Variants in MYRIP observed in about 807,000 individuals in gnomAD.
The protein encoded by MYRIP is myosin VIIA and Rab interacting protein.
In MYRIP, 49 loss-of-function variants were observed where a neutral mutation model predicts 98.0. The ratio of observed to expected loss-of-function variants is 0.50; its 90% CI spans 0.40 to 0.63. The LOEUF (loss-of-function observed/expected upper bound fraction) is 0.63, where lower values mean the gene tolerates loss of function less well. MYRIP is among the 30% of genes least tolerant of loss of function. The pLI is 0.00. For missense variants in MYRIP, 1,004 were observed against 1,058.2 expected (o/e 0.95, Z 0.71); for synonymous variants, 404 against 409.5 (o/e 0.99, Z 0.16).
chr3:40,160,966 C>T (rs918037468), intron 4 of MYRIP, among the ~76,000 whole-genome samples: 7 of 152,170 alleles, frequency 4.6e-5, no homozygotes, highest in Non-Finnish European at 8.8e-5. Context: ...CCGTCTTCTG[C>T]GTCGCTCACG....
At chr3:40,257,670 A>C (rs1953642646) in intron 16 of MYRIP, among the ~76,000 whole-genome samples, 2 of 152,328 alleles carry the variant, frequency 1.3e-5, no homozygotes, top group African/African-American at 2.4e-5. Context: ...AATCAGAAAG[A>C]ATAGACAAAA....
intron 2 of MYRIP, among the ~76,000 whole-genome samples, chr3:40,042,320 C>A (rs1411732970): frequency 6.8e-6 from 1 of 147,318 alleles, no homozygotes; most frequent in Non-Finnish European, 1.5e-5. Context: ...GAGAGCCAAC[C>A]TTCAACCCAC....
At chr3:39,934,029 A>G (rs892455494) in intron 2 of MYRIP, among the ~76,000 whole-genome samples, 1 of 152,082 alleles carries the variant, frequency 6.6e-6, no homozygotes, top group Non-Finnish European at 1.5e-5. Context: ...TGAATCAGAA[A>G]CTCTGGAGGT....
At chr3:40,161,704 T>C (rs912501714) in intron 4 of MYRIP, among the ~76,000 whole-genome samples, 4 of 152,306 alleles carry the variant, frequency 2.6e-5, no homozygotes, top group Admixed American at 2.6e-4. Context: ...CCTGCCATCC[T>C]CTTTCTCACC....
chr3:40,020,202 T>C (rs887191229), intron 2 of MYRIP, among the ~76,000 whole-genome samples: 1 of 152,178 alleles, frequency 6.6e-6, no homozygotes, highest in African/African-American at 2.4e-5. Flanking sequence ...TCAGGTGTGC[T>C]CAATGTTTAC....
chr3:40,134,081 C>T (rs1195456832), intron 3 of MYRIP, among the ~76,000 whole-genome samples: 3 of 152,160 alleles, frequency 2.0e-5, no homozygotes, highest in Non-Finnish European at 2.9e-5. Flanking sequence ...CGAAGCAGGG[C>T]GAGGCATTGC....
In MYRIP at chr3:40,223,347, G is replaced by A. The variant is rs561240817; in HGVS notation, c.1906-10512G>A. Among the ~76,000 whole-genome samples the A allele has an allele frequency of 1.3e-4, 20 of 152,254 alleles. No individual in the cohort carries two copies. The South Asian group carries it at 3.7e-3, about 28-fold the overall frequency. Reference sequence around the variant, plus strand: ...AAGATATTACTCATATTTTTTAAAGGTACAGTAATTAAATTTGTGAGCTAC... The same window carrying A: ...AAGATATTACTCATATTTTTTAAAGATACAGTAATTAAATTTGTGAGCTAC... On this transcript the variant is annotated intron_variant, in intron 11 of 16. Coordinates refer to ENST00000302541, the MANE Select transcript of MYRIP (RefSeq NM_015460.4).
At chr3:39,938,788 C>T (rs1944715681) in intron 2 of MYRIP, among the ~76,000 whole-genome samples, 2 of 152,106 alleles carry the variant, frequency 1.3e-5, no homozygotes, top group South Asian at 4.1e-4. Flanking sequence ...TATAGGCATG[C>T]ACCACCAAGC....
intron 2 of MYRIP, among the ~76,000 whole-genome samples, chr3:39,947,336 G>C (rs1483603683): frequency 6.6e-6 from 1 of 151,890 alleles, no homozygotes; most frequent in Non-Finnish European, 1.5e-5. Flanking sequence ...TAAAGAAAAA[G>C]AGTAGAATTA....
chr3:39,986,381 TTC>T (rs909137324), intron 2 of MYRIP, among the ~76,000 whole-genome samples: 16 of 146,490 alleles, frequency 1.1e-4, no homozygotes, highest in Admixed American at 8.0e-4. Flanking sequence ...TATCAAACAT[TTC>T]TCTCTGTCTC....
At chr3:39,998,096 T>G (rs1946415790) in intron 2 of MYRIP, among the ~76,000 whole-genome samples, 1 of 152,172 alleles carries the variant, frequency 6.6e-6, no homozygotes, top group South Asian at 2.1e-4. Flanking sequence ...GGGCAAAAAC[T>G]GGAAGCATTC....
At chr3:40,048,374 A>T (rs1022021379) in intron 3 of MYRIP, among the ~76,000 whole-genome samples, 13 of 152,190 alleles carry the variant, frequency 8.5e-5, no homozygotes, top group African/African-American at 2.4e-4. Flanking sequence ...TTTTTGAGAT[A>T]CTGTGGGCTA....
intron 3 of MYRIP, among the ~76,000 whole-genome samples, chr3:40,074,243 T>C (rs930158554): frequency 9.2e-5 from 14 of 151,910 alleles, no homozygotes; most frequent in Admixed American, 1.3e-4. Context: ...CCTGGCTAAT[T>C]TTTTGTGTTT....
intron 3 of MYRIP, among the ~76,000 whole-genome samples, chr3:40,084,136 CAAAAAAAAAAAAAA>C (rs753167019): frequency 5.4e-5 from 3 of 55,056 alleles, no homozygotes; most frequent in East Asian, 1.3e-3. Context: ...GACTCCATCT[CAAAAAAAAAAAAAA>C]AAAAAAAAAA....
At chr3:39,882,297 C>G (rs1250740292) in intron 1 of MYRIP, among the ~76,000 whole-genome samples, 6 of 152,010 alleles carry the variant, frequency 3.9e-5, no homozygotes, top group Non-Finnish European at 7.4e-5. Context: ...AGATTTGATC[C>G]TCTCCAAAAT....
At chr3:39,821,317 CCCCCGACCCCTGTACCACCCCG>C (rs910857261) in intron 1 of MYRIP, among the ~76,000 whole-genome samples, 1 of 147,138 alleles carries the variant, frequency 6.8e-6, no homozygotes, top group Non-Finnish European at 1.5e-5. Context: ...CCACTGCCCA[CCCCCGACCCCTGTACCACCCCG>C]CCCCGACTTA....
intron 2 of MYRIP, among the ~76,000 whole-genome samples, chr3:40,002,776 G>A (rs1946547561): frequency 6.6e-6 from 1 of 151,978 alleles, no homozygotes; most frequent in Non-Finnish European, 1.5e-5. Flanking sequence ...GTACATATAG[G>A]TATAGATATA....
intron 10 of MYRIP, among the ~76,000 whole-genome samples, chr3:40,203,321 T>C (rs1951623282): frequency 6.6e-6 from 1 of 152,082 alleles, no homozygotes; most frequent in Non-Finnish European, 1.5e-5. Flanking sequence ...TTTGAGAAAA[T>C]ATGCATTAAA....
At chr3:40,050,661 C>T (rs981448682) in intron 3 of MYRIP, among the ~76,000 whole-genome samples, 1 of 152,116 alleles carries the variant, frequency 6.6e-6, no homozygotes, top group Admixed American at 6.6e-5. Flanking sequence ...AACACTATAA[C>T]AGCCACAGAT....
Sources: allele counts gnomAD v4.1 joint callset (sites outside exome capture counted in the v4.1 genomes callset), GRCh38; gene constraint gnomAD v4.1.1; transcripts MANE v1.5; gene names NCBI Gene and HGNC (gene_info 2026-07-23, HGNC 2026-07-21).